CFHR3: variants seen among roughly 807,000 people sequenced by gnomAD.
CFHR3 encodes the protein complement factor H-related protein 3.
Under a neutral mutation model 36.0 loss-of-function variants are expected in CFHR3, and 22 were observed. The observed-to-expected ratio is 0.61, with a 90% CI of 0.44 to 0.87. The LOEUF (loss-of-function observed/expected upper bound fraction) is 0.87. CFHR3 is among the 40% of genes least tolerant of loss of function. The pLI is 0.00. For synonymous variants in CFHR3, 97 were observed against 137.4 expected, an observed-to-expected ratio of 0.71 and a Z score of 2.06; for missense variants, 276 against 401.3, an observed-to-expected ratio of 0.69 and a Z score of 2.67.
intron 1 of CFHR3, among the ~76,000 whole-genome samples, chr1:196,775,217 T>C (rs1056375738): frequency 7.3e-6 from 1 of 137,264 alleles, no homozygotes; most frequent in South Asian, 2.5e-4. Context: ...TATGTGAATA[T>C]ACTCATGAAA....
rs202127437 is a variant in CFHR3 at position 196,777,982 on chromosome 1, TAAAAAA to T, written c.59-1165_59-1160del. Reference sequence around the variant, plus strand: ...AGCCTTGGTGACAGAACAAGACTGTTAAAAAAAAAAAAAAAAAAAAGAAAAGAAAGA... The same window carrying T: ...AGCCTTGGTGACAGAACAAGACTGTTAAAAAAAAAAAAAAGAAAAGAAAGA... On this transcript the variant is annotated intron_variant, in intron 1 of 5. Transcript: ENST00000367425. 8.9e-5 allele frequency among the ~76,000 whole-genome samples: 8 copies of T among 89,872 alleles called. 1 individual carries two copies. The highest frequency in any genetic ancestry group is 4.7e-4 in the East Asian group (2 of 4,278). 59.0% of individuals were successfully genotyped at this position (89,872 alleles called of 152,430 possible). A position where few individuals can be genotyped will look rare whatever the true frequency, so the allele number is the denominator to read the frequency against.
In CFHR3 at chr1:196,794,404, A is replaced by G. The variant is rs894574362; in HGVS notation, c.*891A>G. On this transcript the variant is annotated 3_prime_UTR_variant, in exon 6 of 6. Transcript: ENST00000367425. ...CTTTAACCAGTGGGGCAGAGGTTGAACTGAGCCAAGATAGTGCCACTGCAC... is the reference window on the plus strand; with the variant it reads ...CTTTAACCAGTGGGGCAGAGGTTGAGCTGAGCCAAGATAGTGCCACTGCAC... Among the ~76,000 whole-genome samples the G allele has an allele frequency of 7.3e-6, 1 of 137,136 alleles. No individual in the cohort carries two copies. The highest frequency in any genetic ancestry group is 1.6e-5 in the Non-Finnish European group (1 of 64,512). 90.0% of individuals were successfully genotyped at this position (137,136 alleles called of 152,430 possible). A position where few individuals can be genotyped will look rare whatever the true frequency, so the allele number is the denominator to read the frequency against.
At chr1:196,791,940 A>C (rs1340714408) in intron 5 of CFHR3, among the ~76,000 whole-genome samples, 1 of 135,432 alleles carries the variant, frequency 7.4e-6, no homozygotes, top group Admixed American at 7.1e-5. Flanking sequence ...CAGTTCTATG[A>C]TACAAGCAAG....
At chr1:196,780,602 T>G (rs1653908003) in intron 3 of CFHR3, among the ~76,000 whole-genome samples, 1 of 136,726 alleles carries the variant, frequency 7.3e-6, no homozygotes. Flanking sequence ...TTTATCTTTT[T>G]GGGAGTTTTG....
At chr1:196,779,500 T>C (rs1359569215) in intron 2 of CFHR3, 144 bp downstream of exon 2, 1 of 768,600 alleles carries the variant, frequency 1.3e-6, no homozygotes, top group Non-Finnish European at 2.0e-6. Flanking sequence ...AAAATAGATC[T>C]TTTCTATTAT....
Position 196,790,905 on chromosome 1 carries a change from A to G in CFHR3, c.796+678A>G, listed in dbSNP as rs760331074. ...CAACCATTTATTGCGCACATATGAA[A>G]TATGGCATCTCAGCTTAACACCAGT... On this transcript the variant is annotated intron_variant, in intron 5 of 5. Coordinates refer to ENST00000367425, the MANE Select transcript of CFHR3 (RefSeq NM_021023.6). Among the ~76,000 whole-genome samples, 2 of 135,674 alleles carry G rather than the reference A, an allele frequency of 1.5e-5. 1 individual carries two copies. The highest frequency in any genetic ancestry group is 5.1e-4 in the South Asian group (2 of 3,902). The allele number at this position is 135,674 out of a possible 152,430, so 89.0% of individuals were successfully genotyped here. A position where few individuals can be genotyped will look rare whatever the true frequency, so the allele number is the denominator to read the frequency against.
chr1:196,775,045 A>G (rs1372768910), intron 1 of CFHR3, 101 bp downstream of exon 1: 24 of 1,043,116 alleles, frequency 2.3e-5, no homozygotes, highest in East Asian at 2.2e-4. Flanking sequence ...ATCAAAGAGG[A>G]TTTATTCACT....
rs868044050 is a variant in CFHR3, at chr1:196,779,589, T to C, written c.254-208T>C. Among the ~76,000 whole-genome samples the C allele has an allele frequency of 8.0e-5, 11 of 136,904 alleles. 3 individuals carry two copies. Among genetic ancestry groups the C allele is most frequent in the African/African-American group, 3.4e-4 (11 of 32,792 alleles). 89.8% of individuals were successfully genotyped at this position (136,904 alleles called of 152,430 possible). A position where few individuals can be genotyped will look rare whatever the true frequency, so the allele number is the denominator to read the frequency against. On this transcript the variant is annotated intron_variant, in intron 2 of 5. Coordinates refer to ENST00000367425, the MANE Select transcript of CFHR3 (RefSeq NM_021023.6). ...TCTATATAGTTTATACATATTTTAA[T>C]TATGAAAACTAAAGAGAAGTAATAT...
intron 5 of CFHR3, 152 bp from the exon 6 acceptor site, chr1:196,793,165 A>C: frequency 2.7e-6 from 2 of 727,798 alleles, no homozygotes; most frequent in Non-Finnish European, 4.0e-6. Flanking sequence ...TATTTTTGAA[A>C]TGCTAACGTC....
At position 196,787,163 on chromosome 1, in the gene CFHR3, A is replaced by T. The variant is rs1373436446; in HGVS notation, c.431-1053A>T. On this transcript the variant is annotated intron_variant, in intron 3 of 5. Coordinates refer to ENST00000367425, the MANE Select transcript of CFHR3 (RefSeq NM_021023.6). ...ATAATGGGAATCTTCCTACACCATT[A>T]TAGGAGCAACTGTCCTCAACAATAG... is the stretch of plus-strand genomic sequence containing the variant. 1.5e-5 allele frequency among the ~76,000 whole-genome samples: 2 copies of T among 137,404 alleles called. 1 individual carries two copies. Among genetic ancestry groups the T allele is most frequent in the East Asian group, 3.9e-4 (2 of 5,128 alleles). 90.1% of individuals were successfully genotyped at this position (137,404 alleles called of 152,430 possible).
In CFHR3 at chr1:196,781,250, C is replaced by T. The variant is rs1373798812; in HGVS notation, c.430+1277C>T. ...AAGTCTTTGCTATTGTGAATAATGC[C>T]GCAATAAGCATACGTGTGCATGTGT... is the stretch of plus-strand genomic sequence containing the variant. On this transcript the variant is annotated intron_variant, in intron 3 of 5. Coordinates refer to ENST00000367425, the MANE Select transcript of CFHR3 (RefSeq NM_021023.6). 5.2e-5 allele frequency among the ~76,000 whole-genome samples: 7 copies of T among 134,618 alleles called. 1 individual carries two copies. Among genetic ancestry groups the T allele is most frequent in the East Asian group, 2.0e-4 (1 of 5,092 alleles). 88.3% of individuals were successfully genotyped at this position (134,618 alleles called of 152,430 possible).
intron 4 of CFHR3, 56 bp downstream of exon 4, chr1:196,788,454 G>C: frequency 6.6e-7 from 1 of 1,509,256 alleles, no homozygotes; most frequent in Non-Finnish European, 8.9e-7. Flanking sequence ...CTCTCTTTGA[G>C]ATGATAGTGT....
At chr1:196,778,371 A>AT (rs1487777538) in intron 1 of CFHR3, among the ~76,000 whole-genome samples, 2 of 136,798 alleles carry the variant, frequency 1.5e-5, no homozygotes, top group Non-Finnish European at 1.5e-5. Flanking sequence ...AAACTTAAAG[A>AT]TTTTTCCTTA....
intron 1 of CFHR3, 138 bp from the exon 2 acceptor site, chr1:196,779,024 T>C: frequency 1.5e-6 from 1 of 672,476 alleles, no homozygotes; most frequent in Non-Finnish European, 2.4e-6. Flanking sequence ...AGATGAGAGG[T>C]CAGGATCAGG....
intron 3 of CFHR3, among the ~76,000 whole-genome samples, chr1:196,785,060 T>C (rs1416481755): frequency 5.7e-4 from 74 of 130,586 alleles, no homozygotes; most frequent in South Asian, 1.1e-3. Flanking sequence ...CCTTCACTTA[T>C]GAAGCTTAGT....
intron 1 of CFHR3, 60 bp from the exon 2 acceptor site, chr1:196,779,102 C>A: frequency 8.0e-7 from 1 of 1,255,908 alleles, no homozygotes; most frequent in Non-Finnish European, 1.1e-6. Context: ...AAATTTATCT[C>A]TAATATGATT....
Position 196,786,482 on chromosome 1 carries a change from G to A in CFHR3, c.431-1734G>A, listed in dbSNP as rs1023023867. On this transcript the variant is annotated intron_variant, in intron 3 of 5. Coordinates refer to ENST00000367425, the MANE Select transcript of CFHR3 (RefSeq NM_021023.6). ...CCAGTTCGAGCTTCCTGGCTGCTTT[G>A]TTTACCTAAGCAAGCCTGGGCAATG... Among the ~76,000 whole-genome samples the A allele has an allele frequency of 6.6e-5, 9 of 135,716 alleles. 1 individual carries two copies. The highest frequency in any genetic ancestry group is 2.8e-4 in the African/African-American group (9 of 31,976). 89.0% of individuals were successfully genotyped at this position (135,716 alleles called of 152,430 possible).
At chr1:196,784,452 G>A (rs2124851638) in intron 3 of CFHR3, among the ~76,000 whole-genome samples, 1 of 135,110 alleles carries the variant, frequency 7.4e-6, no homozygotes, top group African/African-American at 3.1e-5. Flanking sequence ...CTCTTTGTAG[G>A]TCACTCCAGA....
In CFHR3 at chr1:196,777,996, A is replaced by G. The variant is rs902020680; in HGVS notation, c.59-1166A>G. Reference sequence around the variant, plus strand: ...AACAAGACTGTTAAAAAAAAAAAAAAAAAAAAGAAAAGAAAGAAAAATTAA... The same window carrying G: ...AACAAGACTGTTAAAAAAAAAAAAAGAAAAAAGAAAAGAAAGAAAAATTAA... On this transcript the variant is annotated intron_variant, in intron 1 of 5. Transcript: ENST00000367425. Among the ~76,000 whole-genome samples the G allele has an allele frequency of 1.6e-4, 21 of 133,512 alleles. 3 individuals are homozygous for G. The highest frequency in any genetic ancestry group is 6.0e-4 in the African/African-American group (19 of 31,570). The allele number at this position is 133,512 out of a possible 152,430, so 87.6% of individuals were successfully genotyped here. A position where few individuals can be genotyped will look rare whatever the true frequency, so the allele number is the denominator to read the frequency against.
Sources: allele counts gnomAD v4.1 joint callset (sites outside exome capture counted in the v4.1 genomes callset), GRCh38; gene constraint gnomAD v4.1.1; transcripts MANE v1.5; gene names NCBI Gene and HGNC (gene_info 2026-07-23, HGNC 2026-07-21).